Variants in CFDP1 observed in about 807,000 individuals in gnomAD.
CFDP1 encodes the protein heterochromatin-stabilizing protein CFDP1.
A neutral mutation model predicts 40.1 loss-of-function variants in CFDP1; 31 were observed. That is an observed-to-expected ratio of 0.77 (90% CI 0.58 to 1.04). The LOEUF is 1.04. Among genes scored for constraint, CFDP1 ranks in the 50% least tolerant of loss-of-function variants. CFDP1 has a pLI of 0.00. For missense variants in CFDP1, 423 were observed against 343.4 expected (o/e 1.23, Z -1.83); for synonymous variants, 167 against 120.0 (o/e 1.39, Z -2.56).
At chr16:75,393,737 C>CAAAAAAAAAAAAAAAAAAAAAAA in intron 5 of CFDP1, among the ~76,000 whole-genome samples, 1 of 80,620 alleles carries the variant, frequency 1.2e-5, no homozygotes, top group African/African-American at 5.8e-5. Context: ...GACTCCGTCG[C>CAAAAAAAAAAAAAAAAAAAAAAA]AAAAAAAAAA....
rs143082831 is a variant in CFDP1, at chr16:75,412,738, C to T, written c.199G>A (p.Gly67Ser). ...SIPARKRRQG[G>S]LSLEEEEEED... ...TCTTCCTCTTCTTCTAATGAGAGGCCACCTTGTCTTCTCTTCCTAATCACC... is the reference window on the plus strand; with the variant it reads ...TCTTCCTCTTCTTCTAATGAGAGGCTACCTTGTCTTCTCTTCCTAATCACC... The change falls in exon 3 of 7, where the codon GGC (glycine) becomes AGC (serine). Residue 67 changes from glycine to serine, a missense_variant. Physicochemically the swap from Gly to Ser is moderately conservative, Grantham distance 56. Transcript: ENST00000283882. The T allele has an allele frequency of 5.6e-6, 9 of 1,612,942 alleles. No homozygotes were observed. Among genetic ancestry groups the T allele is most frequent in the Non-Finnish European group, 7.6e-6 (9 of 1,179,674 alleles).
At chr16:75,387,857 A>G (rs2078912819) in intron 5 of CFDP1, among the ~76,000 whole-genome samples, 1 of 152,238 alleles carries the variant, frequency 6.6e-6, no homozygotes, top group South Asian at 2.1e-4. Context: ...CTTTCTTGAG[A>G]CAGGAATGAA....
At chr16:75,382,810 C>T (rs1405899534) in intron 5 of CFDP1, among the ~76,000 whole-genome samples, 1 of 151,734 alleles carries the variant, frequency 6.6e-6, no homozygotes, top group Non-Finnish European at 1.5e-5. Context: ...TCATGTCATG[C>T]TCTATTTGAC....
At chr16:75,419,021 T>C (rs781555323) in intron 1 of CFDP1, 2 of 379,252 alleles carry the variant, frequency 5.3e-6, no homozygotes, top group East Asian at 8.0e-5. Flanking sequence ...CACGCACCTG[T>C]AGTTCCATCT....
chr16:75,415,828 G>C (rs991053719), intron 1 of CFDP1, among the ~76,000 whole-genome samples: 1 of 152,144 alleles, frequency 6.6e-6, no homozygotes, highest in African/African-American at 2.4e-5. Flanking sequence ...AAACAGTACT[G>C]TTGTGATACT....
intron 5 of CFDP1, among the ~76,000 whole-genome samples, chr16:75,331,778 A>C (rs755908457): frequency 6.6e-5 from 10 of 152,150 alleles, no homozygotes; most frequent in Non-Finnish European, 1.2e-4. Flanking sequence ...GTTTTACACT[A>C]TCAGGCTTGT....
chr16:75,359,639 C>A (rs1379356318), intron 5 of CFDP1, among the ~76,000 whole-genome samples: 1 of 152,200 alleles, frequency 6.6e-6, no homozygotes, highest in East Asian at 1.9e-4. Context: ...ATTGCCCTAA[C>A]CATGATCACC....
intron 4 of CFDP1, among the ~76,000 whole-genome samples, chr16:75,397,232 A>AAAACAAACAT (rs2079002674): frequency 6.6e-6 from 1 of 151,450 alleles, no homozygotes; most frequent in Non-Finnish European, 1.5e-5. Flanking sequence ...TTTTAAAACC[A>AAAACAAACAT]GGCCAGGTAC....
intron 4 of CFDP1, among the ~76,000 whole-genome samples, chr16:75,411,361 A>G (rs992653224): frequency 3.3e-5 from 5 of 152,206 alleles, no homozygotes; most frequent in African/African-American, 1.2e-4. Context: ...CAGGGAGCCG[A>G]GATCACGCCA....
chr16:75,363,042 G>A (rs1393678838), intron 5 of CFDP1: 2 of 152,026 alleles, frequency 1.3e-5, no homozygotes, highest in Non-Finnish European at 2.9e-5. Context: ...AATACTGAAA[G>A]AATCACCACC....
intron 5 of CFDP1, among the ~76,000 whole-genome samples, chr16:75,378,796 T>C (rs749333635): frequency 1.3e-5 from 2 of 152,182 alleles, no homozygotes; most frequent in African/African-American, 4.8e-5. Context: ...AAAACAAAGA[T>C]ACTGGTCTTT....
At chr16:75,354,400 G>T (rs115763798) in intron 5 of CFDP1, among the ~76,000 whole-genome samples, 1 of 152,094 alleles carries the variant, frequency 6.6e-6, no homozygotes, top group Non-Finnish European at 1.5e-5. Context: ...ATCACAGAGC[G>T]GGATATGGCC....
chr16:75,304,206 T>A (rs1262553376), intron 6 of CFDP1, among the ~76,000 whole-genome samples: 2 of 152,120 alleles, frequency 1.3e-5, no homozygotes, highest in African/African-American at 4.8e-5. Context: ...GTAGCTGGGA[T>A]TACAAGTGTG....
rs1261293231 is a variant in CFDP1, at chr16:75,315,894, C to T, written c.651-10712G>A. 2.6e-5 allele frequency among the ~76,000 whole-genome samples: 4 copies of T among 152,146 alleles called. No individual in the cohort carries two copies. In the East Asian group the frequency reaches 7.7e-4, roughly 29 times the overall value. On this transcript the variant is annotated intron_variant, in intron 5 of 6. Coordinates refer to ENST00000283882, the MANE Select transcript of CFDP1 (RefSeq NM_006324.3). ...TCCCAAAATGGCCTCGTTAGTTGCTCCCCATTCTCTCTCAAAATGCATCAC... is the reference window on the plus strand; with the variant it reads ...TCCCAAAATGGCCTCGTTAGTTGCTTCCCATTCTCTCTCAAAATGCATCAC...
intron 1 of CFDP1, among the ~76,000 whole-genome samples, chr16:75,427,346 G>A (rs1342278719): frequency 6.6e-6 from 1 of 151,962 alleles, no homozygotes; most frequent in African/African-American, 2.4e-5. Flanking sequence ...CACCTCCTGG[G>A]TTCAAGCGAT....
At chr16:75,300,941 T>C (rs1462174450) in intron 6 of CFDP1, among the ~76,000 whole-genome samples, 1 of 152,100 alleles carries the variant, frequency 6.6e-6, no homozygotes, top group Non-Finnish European at 1.5e-5. Flanking sequence ...AGCCAGGGAT[T>C]CTGGGAGGAG....
At chr16:75,335,845 C>A (rs771459411) in intron 5 of CFDP1, among the ~76,000 whole-genome samples, 2 of 152,014 alleles carry the variant, frequency 1.3e-5, no homozygotes, top group East Asian at 1.9e-4. Context: ...TGTGAGCCAC[C>A]GCGCCTGACC....
chr16:75,366,981 T>C (rs1474993202), intron 5 of CFDP1, among the ~76,000 whole-genome samples: 3 of 151,816 alleles, frequency 2.0e-5, no homozygotes, highest in Admixed American at 1.3e-4. Context: ...CTGGCCAACA[T>C]GGCAAAACCC....
chr16:75,361,417 G>A (rs2078678605), intron 5 of CFDP1, among the ~76,000 whole-genome samples: 1 of 152,136 alleles, frequency 6.6e-6, no homozygotes, highest in African/African-American at 2.4e-5. Context: ...AGGAGTTCAA[G>A]ACCATCCTAG....
Sources: gnomAD v4.1 joint callset for allele counts (sites outside exome capture counted in the v4.1 genomes callset) on GRCh38, gnomAD v4.1.1 for gene constraint, MANE v1.5 for transcripts, NCBI Gene and HGNC (gene_info 2026-07-23, HGNC 2026-07-21) for gene names.